Variants in BCR observed in about 807,000 individuals in gnomAD.
BCR encodes breakpoint cluster region protein.
Under a neutral mutation model 138.6 loss-of-function variants are expected in BCR, and 58 were observed. The observed-to-expected ratio is 0.42, with a 90% CI of 0.34 to 0.52. The LOEUF (loss-of-function observed/expected upper bound fraction) is 0.52, where lower values mean the gene tolerates loss of function less well. Among genes scored for constraint, BCR ranks in the 20% least tolerant of loss-of-function variants. The pLI, the probability that BCR is intolerant of heterozygous loss-of-function variation, is 0.06. For synonymous variants in BCR, 786 were observed against 730.1 expected (o/e 1.08, Z -1.23); for missense variants, 1,599 against 1,727.2 (o/e 0.93, Z 1.32).
In BCR at chr22:23,211,610, G is replaced by A. The variant is rs964525807; in HGVS notation, c.1279+29371G>A. On this transcript the variant is annotated intron_variant, in intron 1 of 22. Transcript: ENST00000305877. Reference sequence around the variant, plus strand: ...AAGGATTCTCCTGCCTCAGCCTCCCGAGCAGCTGGGATTACAGGCGCCCAC... The same window carrying A: ...AAGGATTCTCCTGCCTCAGCCTCCCAAGCAGCTGGGATTACAGGCGCCCAC... 5.7e-4 allele frequency among the ~76,000 whole-genome samples: 86 copies of A among 151,564 alleles called. 5 individuals are homozygous for A. The highest frequency in any genetic ancestry group is 1.5e-4 in the Non-Finnish European group (10 of 67,902).
chr22:23,241,338 C>T (rs905085133), intron 1 of BCR, among the ~76,000 whole-genome samples: 5 of 152,188 alleles, frequency 3.3e-5, no homozygotes, highest in African/African-American at 9.7e-5. Context: ...CATTCCCCCC[C>T]GACCAACCCT....
rs994445914 is a variant in BCR, at chr22:23,231,021, C to T, written c.1280-22778C>T. ...GGCCAGTTATGGTTTCTTTCTGTGT[C>T]TTATTTCCCCCTCCATCAAATGAGA... On this transcript the variant is annotated intron_variant, in intron 1 of 22. Coordinates refer to ENST00000305877, the MANE Select transcript of BCR (RefSeq NM_004327.4). Among the ~76,000 whole-genome samples the T allele has an allele frequency of 2.0e-5, 3 of 152,170 alleles. No homozygotes were observed. The East Asian group carries it at 5.8e-4, about 29-fold the overall frequency.
intron 1 of BCR, among the ~76,000 whole-genome samples, chr22:23,214,753 G>C (rs1033822593): frequency 5.3e-5 from 8 of 152,172 alleles, no homozygotes; most frequent in Non-Finnish European, 5.9e-5. Context: ...GTCCAAACCT[G>C]CATTTGGAAG....
chr22:23,234,956 C>G lies in BCR; in HGVS notation c.1280-18843C>G, dbSNP rs1378983159. On this transcript the variant is annotated intron_variant, in intron 1 of 22. Coordinates refer to ENST00000305877, the MANE Select transcript of BCR (RefSeq NM_004327.4). ...CCCTACCATGCTTAGAGGAGTCAGG[C>G]TCCTCCCCCGACTCTGTGGCCACAC... Among the ~76,000 whole-genome samples the G allele has an allele frequency of 1.4e-5, 2 of 143,600 alleles. 1 individual carries two copies. The allele number at this position is 143,600 out of a possible 152,430, so 94.2% of individuals were successfully genotyped here. A position where few individuals can be genotyped will look rare whatever the true frequency, so the allele number is the denominator to read the frequency against.
rs960158069 is a variant in BCR, at chr22:23,181,161, G to C, written c.201G>C (p.Lys67Asn). 2.1e-6 allele frequency: 3 copies of C among 1,439,374 alleles called. No individual in the cohort carries two copies. The highest frequency in any genetic ancestry group is 1.5e-5 in the African/African-American group (1 of 68,580). 89.2% of individuals were successfully genotyped at this position (1,439,374 alleles called of 1,614,324 possible). A position where few individuals can be genotyped will look rare whatever the true frequency, so the allele number is the denominator to read the frequency against. ...IYLQTLLAKE[K>N]KSYDRQRWGF... ...TGCAGACGTTGCTGGCCAAGGAAAA[G>C]AAGAGCTATGACCGGCAGCGATGGG... The change falls in exon 1 of 23, where the codon AAG becomes AAC. Residue 67 changes from lysine to asparagine, a missense_variant. By Grantham distance (94) the Lys-to-Asn change is moderately conservative (BLOSUM62 0). Transcript: ENST00000305877.
chr22:23,253,435 A>T (rs1013424412), intron 1 of BCR, among the ~76,000 whole-genome samples: 3 of 152,176 alleles, frequency 2.0e-5, no homozygotes, highest in African/African-American at 7.2e-5. Flanking sequence ...CCTGTCATTT[A>T]CTAGCACACA....
At chr22:23,283,049 C>T (rs543129118) in intron 8 of BCR, among the ~76,000 whole-genome samples, 5 of 152,294 alleles carry the variant, frequency 3.3e-5, no homozygotes, top group Admixed American at 6.5e-5. Context: ...TCGTGCAGTG[C>T]GCTGGTCCCA....
chr22:23,300,179 AG>A (rs1027139291), intron 16 of BCR, among the ~76,000 whole-genome samples: 3 of 152,094 alleles, frequency 2.0e-5, no homozygotes, highest in Non-Finnish European at 4.4e-5. Flanking sequence ...AATAACTCCC[AG>A]GGGGGCAGGT....
chr22:23,288,690 A>G lies in BCR; in HGVS notation c.2602+518A>G, dbSNP rs530042707. On this transcript the variant is annotated intron_variant, in intron 12 of 22. Transcript: ENST00000305877. Reference sequence around the variant, plus strand: ...TGGGCATTCACACTGTGCTGGCCCCACTGCCCTGTTCATATGGCCGGGGTT... The same window carrying G: ...TGGGCATTCACACTGTGCTGGCCCCGCTGCCCTGTTCATATGGCCGGGGTT... 1.7e-3 allele frequency among the ~76,000 whole-genome samples: 258 copies of G among 152,260 alleles called. 1 individual carries two copies. The highest frequency in any genetic ancestry group is 3.5e-3 in the South Asian group (17 of 4,828).
At chr22:23,262,286 G>A (rs2073370056) in intron 4 of BCR, among the ~76,000 whole-genome samples, 2 of 152,208 alleles carry the variant, frequency 1.3e-5, no homozygotes, top group Non-Finnish European at 2.9e-5. Context: ...CTGGACTACC[G>A]AGACACACAG....
At position 23,315,625 on chromosome 22, in the gene BCR, C is replaced by CACTTGGGGGTGG; in HGVS notation, c.*103_*104insACTTGGGGGTGG. On this transcript the variant is annotated 3_prime_UTR_variant, in exon 23 of 23. Transcript: ENST00000305877. ...CCTTCCTGAGGTGTCCTTGGGCCACCCCCAAGTGTTGGGCCATCTGCCAAG... is the reference window on the plus strand; with the variant it reads ...CCTTCCTGAGGTGTCCTTGGGCCACCACTTGGGGGTGGCCCAAGTGTTGGGCCATCTGCCAAG... The CACTTGGGGGTGG allele has an allele frequency of 9.0e-7, 1 of 1,110,326 alleles. No homozygotes were observed. The highest frequency in any genetic ancestry group is 1.4e-6 in the Non-Finnish European group (1 of 740,354). 68.8% of individuals were successfully genotyped at this position (1,110,326 alleles called of 1,614,324 possible).
chr22:23,290,390 C>T lies in BCR; in HGVS notation c.2759C>T (p.Ala920Val). Reference sequence around the variant, plus strand: ...TTTCTGAATGTCATCGTCCACTCAGCCACTGGATTTAAGCAGAGTTCAAGT... The same window carrying T: ...TTTCTGAATGTCATCGTCCACTCAGTCACTGGATTTAAGCAGAGTTCAAGT... Reference protein sequence around the residue: ...YGFLNVIVHSATGFKQSSNLY... With the variant: ...YGFLNVIVHSVTGFKQSSNLY... The change falls in exon 14 of 23, where the codon GCC becomes GTC. Residue 920 changes from alanine to valine, a missense_variant. Physicochemically the swap from Ala to Val is moderately conservative, Grantham distance 64. Transcript: ENST00000305877. The T allele has an allele frequency of 6.2e-7, 1 of 1,614,078 alleles. No individual in the cohort carries two copies. The highest frequency in any genetic ancestry group is 8.5e-7 in the Non-Finnish European group (1 of 1,179,986).
intron 8 of BCR, 81 bp downstream of exon 8, chr22:23,273,855 A>T: frequency 6.3e-7 from 1 of 1,576,424 alleles, no homozygotes. Flanking sequence ...TGAGGTCTGG[A>T]GCCCTTCCTG....
intron 1 of BCR, among the ~76,000 whole-genome samples, chr22:23,237,014 AG>A (rs1279540354): frequency 6.6e-6 from 1 of 152,256 alleles, no homozygotes. Context: ...TGCCAGGCTC[AG>A]AACCGGCGTC....
intron 1 of BCR, among the ~76,000 whole-genome samples, chr22:23,197,832 G>A (rs967589982): frequency 6.6e-6 from 1 of 152,076 alleles, no homozygotes; most frequent in African/African-American, 2.4e-5. Flanking sequence ...GGGAGGAATG[G>A]GGAGGGATGG....
intron 1 of BCR, among the ~76,000 whole-genome samples, chr22:23,248,520 A>C (rs1474159701): frequency 6.6e-6 from 1 of 152,004 alleles, no homozygotes; most frequent in Non-Finnish European, 1.5e-5. Flanking sequence ...CTAACCAGGC[A>C]TTATTCTTTT....
In BCR at chr22:23,309,494, G is replaced by A. The variant is rs367869436; in HGVS notation, c.3072+11G>A. On this transcript the variant is annotated intron_variant, in intron 17 of 22. Transcript: ENST00000305877. The stretch of plus-strand genomic sequence containing the variant: ...ATCGCCATGAATGGGGTACGTGTCC[G>A]TGGGACTCTCCTGGTGCCCACTTCC... 74 of 1,588,286 alleles carry A rather than the reference G, an allele frequency of 4.7e-5. No individual in the cohort carries two copies. The Middle Eastern group carries it at 6.9e-4, about 15-fold the overall frequency.
At chr22:23,272,996 C>A in intron 6 of BCR, 85 bp from the exon 7 acceptor site, 2 of 1,472,218 alleles carry the variant, frequency 1.4e-6, no homozygotes, top group African/African-American at 1.4e-5. Flanking sequence ...AGCCCCCTCC[C>A]CACTCACCCT....
chr22:23,287,813 C>G (rs897984864), intron 11 of BCR, among the ~76,000 whole-genome samples: 1 of 152,202 alleles, frequency 6.6e-6, no homozygotes, highest in Non-Finnish European at 1.5e-5. Context: ...CTCTGCAGAT[C>G]CCACCTGGTT....
Sources: gnomAD v4.1 joint callset for allele counts (sites outside exome capture counted in the v4.1 genomes callset) on GRCh38, gnomAD v4.1.1 for gene constraint, MANE v1.5 for transcripts, NCBI Gene and HGNC (gene_info 2026-07-23, HGNC 2026-07-21) for gene names.